The following STK32A variants were observed in gnomAD, a reference collection of about 807,000 sequenced individuals.
STK32A encodes serine/threonine kinase 32A.
A neutral mutation model predicts 53.2 loss-of-function variants in STK32A; 41 were observed. The ratio of observed to expected loss-of-function variants is 0.77; its 90% CI spans 0.60 to 1.00. The LOEUF (loss-of-function observed/expected upper bound fraction) is 1.00. Among genes scored for constraint, STK32A ranks in the 50% least tolerant of loss-of-function variants. The pLI, the probability that STK32A is intolerant of heterozygous loss-of-function variation, is 0.00. For missense variants in STK32A, 458 were observed against 485.8 expected (o/e 0.94, Z 0.54); for synonymous variants, 166 against 162.8 (o/e 1.02, Z -0.15).
At chr5:147,389,702 C>T (rs550103063), downstream of STK32A, among the ~76,000 whole-genome samples, 2 of 152,124 alleles carry the variant, frequency 1.3e-5, no homozygotes, top group Admixed American at 1.3e-4. Flanking sequence ...AACCCTGTCT[C>T]TACTGAAAAT....
chr5:147,327,560 A>C (rs181554321), intron 5 of STK32A, among the ~76,000 whole-genome samples: 2 of 152,352 alleles, frequency 1.3e-5, no homozygotes, highest in East Asian at 3.9e-4. Flanking sequence ...ACCCGTAAAC[A>C]GTCAGCACTA....
At chr5:147,261,159 C>A (rs926850355) in intron 2 of STK32A, among the ~76,000 whole-genome samples, 2 of 152,094 alleles carry the variant, frequency 1.3e-5, no homozygotes, top group African/African-American at 4.8e-5. Flanking sequence ...CAGAGACCAC[C>A]CCCAGAGGGG....
chr5:147,352,161 A>C (rs983487587), intron 7 of STK32A, among the ~76,000 whole-genome samples: 3 of 152,198 alleles, frequency 2.0e-5, no homozygotes, highest in Admixed American at 6.5e-5. Context: ...GCAGTGAGCT[A>C]TGATCATGCC....
At chr5:147,343,846 A>G (rs1268996044) in intron 6 of STK32A, among the ~76,000 whole-genome samples, 1 of 152,232 alleles carries the variant, frequency 6.6e-6, no homozygotes, top group Admixed American at 6.5e-5. Context: ...AAAAAGATAA[A>G]AGTATATGTG....
chr5:147,353,407 T>C (rs1021736463), intron 7 of STK32A, among the ~76,000 whole-genome samples: 9 of 152,142 alleles, frequency 5.9e-5, no homozygotes, highest in Non-Finnish European at 1.2e-4. Context: ...GAGCTCCTTA[T>C]CCAGCAAAAA....
chr5:147,358,937 T>G lies in STK32A; in HGVS notation c.563-2580T>G, dbSNP rs181317283. Among the ~76,000 whole-genome samples, 454 of 152,314 alleles carry G rather than the reference T, an allele frequency of 3.0e-3. 3 individuals carry two copies. Among genetic ancestry groups the G allele is most frequent in the Admixed American group, 5.9e-3 (90 of 15,296 alleles). ...ACATAAAATTTAGCACAGTGACTTCTAGGGTTATGAACAGAACAGGACACA... is the reference window on the plus strand; with the variant it reads ...ACATAAAATTTAGCACAGTGACTTCGAGGGTTATGAACAGAACAGGACACA... On this transcript the variant is annotated intron_variant, in intron 7 of 12. Coordinates refer to ENST00000397936, the MANE Select transcript of STK32A (RefSeq NM_001112724.2).
intron 8 of STK32A, among the ~76,000 whole-genome samples, chr5:147,366,796 A>G (rs996788711): frequency 6.6e-6 from 1 of 152,046 alleles, no homozygotes; most frequent in Admixed American, 6.6e-5. Flanking sequence ...TCTCATAAGG[A>G]TACTCTATCT....
At chr5:147,294,639 A>T (rs760223921) in intron 4 of STK32A, among the ~76,000 whole-genome samples, 1 of 151,236 alleles carries the variant, frequency 6.6e-6, no homozygotes, top group Non-Finnish European at 1.5e-5. Context: ...TATATACCTT[A>T]TGTATAGAAT....
At chr5:147,327,045 T>C (rs1362681146) in intron 5 of STK32A, among the ~76,000 whole-genome samples, 1 of 152,158 alleles carries the variant, frequency 6.6e-6, no homozygotes, top group Non-Finnish European at 1.5e-5. Context: ...ATTCTGACAG[T>C]GTTCTGATAA....
intron 2 of STK32A, among the ~76,000 whole-genome samples, chr5:147,259,913 CCCTCTTGTCTCTCACTCCTGGCTG>C (rs1754432680): frequency 7.6e-6 from 1 of 131,608 alleles, no homozygotes; most frequent in African/African-American, 3.1e-5. Flanking sequence ...TCTCTCTCTC[CCCTCTTGTCTCTCACTCCTGGCTG>C]TCTCTCTCTC....
intron 7 of STK32A, among the ~76,000 whole-genome samples, chr5:147,360,238 C>G (rs958654713): frequency 3.3e-5 from 5 of 151,484 alleles, no homozygotes; most frequent in Non-Finnish European, 5.9e-5. Flanking sequence ...TCACCTAAGC[C>G]CAGGAGTTCA....
chr5:147,291,914 T>A (rs548624468), intron 4 of STK32A, among the ~76,000 whole-genome samples: 1 of 152,206 alleles, frequency 6.6e-6, no homozygotes, highest in Non-Finnish European at 1.5e-5. Flanking sequence ...TGAATGGCCA[T>A]GTACGCATTT....
rs777595153 is a variant in STK32A, at chr5:147,383,466, ACT to A, written c.1061_1062del (p.Ser354CysfsTer18). On this transcript the variant is annotated frameshift_variant, in exon 12 of 13. Transcript: ENST00000397936. LOFTEE classifies it high-confidence loss of function. The stretch of plus-strand genomic sequence containing the variant: ...ACATGTCTTCTTCAAGAGCACCTTG[ACT>A]CTGTCCAGAAGGAGTTCATAATTTT... 1.6e-5 allele frequency: 26 copies of A among 1,598,244 alleles called. No individual in the cohort carries two copies. The highest frequency in any genetic ancestry group is 2.2e-5 in the Non-Finnish European group (26 of 1,172,100).
chr5:147,276,889 T>C (rs1016769271), intron 2 of STK32A, among the ~76,000 whole-genome samples: 4 of 152,220 alleles, frequency 2.6e-5, no homozygotes, highest in Admixed American at 2.0e-4. Flanking sequence ...CTGTCATTTA[T>C]CTCCAGTCTC....
intron 2 of STK32A, among the ~76,000 whole-genome samples, chr5:147,241,577 C>T (rs957884889): frequency 6.6e-6 from 1 of 152,212 alleles, no homozygotes; most frequent in African/African-American, 2.4e-5. Context: ...GAGGCCCATT[C>T]TTACTATTTC....
chr5:147,324,820 A>G (rs943387398), intron 5 of STK32A, among the ~76,000 whole-genome samples: 13 of 152,232 alleles, frequency 8.5e-5, no homozygotes, highest in Admixed American at 6.5e-4. Flanking sequence ...AATTGTAAAC[A>G]TATCAAACAT....
Position 147,249,893 on chromosome 5 carries a change from AG to A in STK32A, c.52+10208del, listed in dbSNP as rs1420419773. ...TACTGCACTCCAGCCTGGGCAACAG[AG>A]TAAGCCTCTGTCTCAAAAAAAAAAA... On this transcript the variant is annotated intron_variant, in intron 2 of 12. Coordinates refer to ENST00000397936, the MANE Select transcript of STK32A (RefSeq NM_001112724.2). Among the ~76,000 whole-genome samples, 30 of 121,860 alleles carry A rather than the reference AG, an allele frequency of 2.5e-4. No homozygotes were observed. In the South Asian group the frequency reaches 6.5e-3, roughly 27 times the overall value. The allele number at this position is 121,860 out of a possible 152,430, so 79.9% of individuals were successfully genotyped here.
chr5:147,289,377 G>A (rs1752494925), intron 4 of STK32A, among the ~76,000 whole-genome samples: 1 of 152,008 alleles, frequency 6.6e-6, no homozygotes, highest in Admixed American at 6.6e-5. Context: ...CTATTTTATG[G>A]ATATGCTGTG....
intron 7 of STK32A, among the ~76,000 whole-genome samples, chr5:147,357,980 T>C (rs777546656): frequency 4.6e-5 from 7 of 152,118 alleles, no homozygotes; most frequent in Non-Finnish European, 8.8e-5. Flanking sequence ...TCTTTATTCT[T>C]TTCCAAAAAT....
Sources: allele counts gnomAD v4.1 joint callset (sites outside exome capture counted in the v4.1 genomes callset), GRCh38; gene constraint gnomAD v4.1.1; transcripts MANE v1.5; gene names NCBI Gene and HGNC (gene_info 2026-07-23, HGNC 2026-07-21).